Variants in C2CD5 observed in about 807,000 individuals in gnomAD.
The protein encoded by C2CD5 is C2 calcium dependent domain containing 5.
C2CD5 carries 109 observed loss-of-function variants against 130.3 expected under a neutral mutation model. The observed-to-expected ratio is 0.84, with a 90% confidence interval of 0.72 to 0.98. The LOEUF (loss-of-function observed/expected upper bound fraction) is 0.98. C2CD5 is among the 50% of genes least tolerant of loss of function. C2CD5 has a pLI of 0.00. For synonymous variants in C2CD5, 454 were observed against 429.2 expected, an observed-to-expected ratio of 1.06 and a Z score of -0.71; for missense variants, 996 against 1,261.8, an observed-to-expected ratio of 0.79 and a Z score of 3.19.
At chr12:22,544,236 G>A in intron 1 of C2CD5, 57 bp from the exon 2 acceptor site, 1 of 1,382,828 alleles carries the variant, frequency 7.2e-7, no homozygotes, top group Non-Finnish European at 1.0e-6. Context: ...GAGAGGGGCG[G>A]AGGCGCGCGG....
intron 12 of C2CD5, among the ~76,000 whole-genome samples, chr12:22,486,756 G>A (rs4411319): frequency 0.98 from 148,675 of 152,296 alleles, 72,650 homozygotes; most frequent in Middle Eastern, 1. Context: ...AGGAAATGCC[G>A]AGAATGTTGG....
chr12:22,535,439 A>G, intron 2 of C2CD5, 95 bp from the exon 3 acceptor site: 1 of 672,534 alleles, frequency 1.5e-6, no homozygotes. Flanking sequence ...GATAAACCAT[A>G]AAGGGGACAA....
chr12:22,504,304 CTTT>C (rs10707954), intron 10 of C2CD5, among the ~76,000 whole-genome samples: 9 of 135,596 alleles, frequency 6.6e-5, no homozygotes, highest in Non-Finnish European at 4.8e-5. Flanking sequence ...GTTTTTTTTT[CTTT>C]TTTTTTTTTT....
At position 22,511,613 on chromosome 12, in the gene C2CD5, G is replaced by A. The variant is rs529462364; in HGVS notation, c.1038+1681C>T. Among the ~76,000 whole-genome samples, 47 of 152,176 alleles carry A rather than the reference G, an allele frequency of 3.1e-4. 1 individual carries two copies. The highest frequency in any genetic ancestry group is 6.3e-4 in the Non-Finnish European group (43 of 68,030). ...GTTTATTTAGTAATCTATGTCCAAT[G>A]TGTAAATGTGTCCAAAATTTTAAGA... On this transcript the variant is annotated intron_variant, in intron 9 of 26. Transcript: ENST00000446597.
At chr12:22,494,250 T>C (rs1946726536) in intron 10 of C2CD5, among the ~76,000 whole-genome samples, 1 of 152,052 alleles carries the variant, frequency 6.6e-6, no homozygotes, top group Non-Finnish European at 1.5e-5. Context: ...AATTCTCATT[T>C]GGGAATAACT....
At chr12:22,463,500 C>T (rs1475675846) in intron 22 of C2CD5, 2 of 152,234 alleles carry the variant, frequency 1.3e-5, no homozygotes, top group African/African-American at 2.4e-5. Flanking sequence ...CTCTTGCTCT[C>T]TTTTTGCCCT....
At position 22,496,456 on chromosome 12, in the gene C2CD5, G is replaced by A. The variant is rs150875846; in HGVS notation, c.1148-3119C>T. Among the ~76,000 whole-genome samples the A allele has an allele frequency of 5.9e-5, 9 of 151,994 alleles. No homozygotes were observed. The East Asian group carries it at 1.7e-3, about 29-fold the overall frequency. On this transcript the variant is annotated intron_variant, in intron 10 of 26. Coordinates refer to ENST00000446597, the MANE Select transcript of C2CD5 (RefSeq NM_001286176.2). The stretch of plus-strand genomic sequence containing the variant: ...AAAATTTTGTGGCAACTATGTATGT[G>A]ACACATGAAATGATACAATTTAGTT...
chr12:22,489,675 A>G (rs1322225564), intron 12 of C2CD5, among the ~76,000 whole-genome samples: 1 of 152,166 alleles, frequency 6.6e-6, no homozygotes, highest in African/African-American at 2.4e-5. Flanking sequence ...CGGAAGGACC[A>G]TATATATTAT....
At chr12:22,462,912 C>T (rs1406048264) in intron 22 of C2CD5, among the ~76,000 whole-genome samples, 1 of 151,802 alleles carries the variant, frequency 6.6e-6, no homozygotes, top group African/African-American at 2.4e-5. Context: ...CATGTTGAAA[C>T]CCCATCACTA....
intron 3 of C2CD5, among the ~76,000 whole-genome samples, chr12:22,530,616 C>T (rs999213085): frequency 2.0e-5 from 3 of 151,868 alleles, no homozygotes; most frequent in Admixed American, 6.6e-5. Context: ...CACCACCACA[C>T]CCGGCTAATT....
At chr12:22,494,776 T>C (rs1946799519) in intron 10 of C2CD5, among the ~76,000 whole-genome samples, 2 of 152,110 alleles carry the variant, frequency 1.3e-5, no homozygotes, top group South Asian at 2.1e-4. Flanking sequence ...AATTAAGAAA[T>C]GTGTGAACAA....
intron 26 of C2CD5, among the ~76,000 whole-genome samples, chr12:22,451,415 T>C (rs1938573077): frequency 6.6e-6 from 1 of 152,172 alleles, no homozygotes; most frequent in African/African-American, 2.4e-5. Flanking sequence ...TGTGCAATTC[T>C]CTACACTTTT....
Position 22,478,332 on chromosome 12 carries a change from A to C in C2CD5, c.1883T>G (p.Leu628Ter). ...INDTIAKNKELYEINPPEISE... is the reference protein window; with the variant it reads ...INDTIAKNKE Reference sequence around the variant, plus strand: ...ACTTACTGGAGGATTGATTTCATATAACTCTTTGTTTTTAGCAATTGTGTC... The same window carrying C: ...ACTTACTGGAGGATTGATTTCATATCACTCTTTGTTTTTAGCAATTGTGTC... The change falls in exon 15 of 27, where the codon TTA becomes TGA. Residue 628 changes from leucine (L) to a stop codon, truncating the protein, a stop_gained. Transcript: ENST00000446597. LOFTEE classifies it high-confidence loss of function. 1 of 1,612,114 alleles carries C rather than the reference A, an allele frequency of 6.2e-7. No individual in the cohort carries two copies. Among genetic ancestry groups the C allele is most frequent in the Non-Finnish European group, 8.5e-7 (1 of 1,178,306 alleles).
intron 2 of C2CD5, among the ~76,000 whole-genome samples, chr12:22,540,212 A>T (rs1952225219): frequency 6.6e-6 from 1 of 152,050 alleles, no homozygotes; most frequent in Admixed American, 6.6e-5. Flanking sequence ...CAACTGTCTC[A>T]CTCTGTTTGA....
chr12:22,524,458 T>C lies in C2CD5; in HGVS notation c.601+14A>G. On this transcript the variant is annotated intron_variant, in intron 6 of 26. Transcript: ENST00000446597. The stretch of plus-strand genomic sequence containing the variant: ...ACTAAATCAGTCAGTAATAAAGTTA[T>C]TTTTTTTAAATACCTGACATTAACG... The C allele has an allele frequency of 6.3e-7, 1 of 1,591,412 alleles. No individual in the cohort carries two copies. Among genetic ancestry groups the C allele is most frequent in the African/African-American group, 1.3e-5 (1 of 74,270 alleles).
Position 22,518,104 on chromosome 12 carries a change from A to C in C2CD5, c.834T>G (p.Thr278=). The change falls in exon 8 of 27, where the codon ACT becomes ACG. Residue 278 remains threonine (T), a synonymous_variant. Coordinates refer to ENST00000446597, the MANE Select transcript of C2CD5 (RefSeq NM_001286176.2). ...GAGGGGTTGAGGGTCCTGATGAGTG[A>C]GTATTGGGATTGGGATCTTCATTGA... The part of the protein sequence containing the change: ...IPFNEDPNPN[T]HSSGPSTPLK... The C allele has an allele frequency of 6.2e-7, 1 of 1,613,808 alleles. No individual in the cohort carries two copies. The highest frequency in any genetic ancestry group is 1.3e-5 in the African/African-American group (1 of 75,020).
chr12:22,520,378 G>A (rs763348572), intron 7 of C2CD5, among the ~76,000 whole-genome samples: 10 of 152,190 alleles, frequency 6.6e-5, no homozygotes, highest in Admixed American at 1.3e-4. Context: ...ATTTGTCAAG[G>A]TTCTAACATG....
At chr12:22,452,898 C>T (rs1377879163) in intron 26 of C2CD5, among the ~76,000 whole-genome samples, 1 of 152,150 alleles carries the variant, frequency 6.6e-6, no homozygotes, top group Non-Finnish European at 1.5e-5. Context: ...AGGACCCTAT[C>T]TCTTAAATAA....
chr12:22,543,956 G>C, intron 2 of C2CD5, 105 bp downstream of exon 2: 1 of 823,150 alleles, frequency 1.2e-6, no homozygotes, highest in Non-Finnish European at 2.0e-6. Context: ...GCCGAAGGGA[G>C]GGCAGTCGAG....
Sources: gnomAD v4.1 joint callset for allele counts (sites outside exome capture counted in the v4.1 genomes callset) on GRCh38, gnomAD v4.1.1 for gene constraint, MANE v1.5 for transcripts, NCBI Gene and HGNC (gene_info 2026-07-23, HGNC 2026-07-21) for gene names.